ROBO2: variants seen among roughly 807,000 people sequenced by gnomAD.
ROBO2 encodes roundabout guidance receptor 2, also known as roundabout homolog 2.
ROBO2 carries 53 observed loss-of-function variants against 160.8 expected under a neutral mutation model. The observed-to-expected ratio is 0.33, with a 90% CI of 0.26 to 0.41. ROBO2 has a LOEUF of 0.41. ROBO2 is among the 10% of genes least tolerant of loss of function. ROBO2 has a pLI of 1.00. For missense variants in ROBO2, 1,577 were observed against 1,722.4 expected, an observed-to-expected ratio of 0.92 and a Z score of 1.49; for synonymous variants, 664 against 611.7, an observed-to-expected ratio of 1.09 and a Z score of -1.26.
At chr3:76,712,461 G>A (rs2093313131) in intron 2 of ROBO2, among the ~76,000 whole-genome samples, 1 of 152,050 alleles carries the variant, frequency 6.6e-6, no homozygotes, top group South Asian at 2.1e-4. Context: ...GATCACCTGA[G>A]GTCAGGAATT....
At chr3:76,707,731 G>GTGTATATATA (rs376823667) in intron 2 of ROBO2, among the ~76,000 whole-genome samples, 5 of 134,212 alleles carry the variant, frequency 3.7e-5, no homozygotes, top group South Asian at 2.5e-4. Context: ...ACATGTGTGT[G>GTGTATATATA]TATATATATA....
intron 21 of ROBO2, among the ~76,000 whole-genome samples, chr3:77,610,485 G>A (rs1415962546): frequency 2.6e-5 from 4 of 151,870 alleles, no homozygotes; most frequent in African/African-American, 9.7e-5. Flanking sequence ...TATATACCAG[G>A]GAAGCCAGGG....
intron 2 of ROBO2, among the ~76,000 whole-genome samples, chr3:76,062,078 T>G (rs1468399652): frequency 6.6e-6 from 1 of 152,158 alleles, no homozygotes; most frequent in East Asian, 1.9e-4. Flanking sequence ...GCCAACTGGC[T>G]AGCAACCTTA....
chr3:76,647,209 G>A (rs1434842474), intron 2 of ROBO2, among the ~76,000 whole-genome samples: 1 of 152,134 alleles, frequency 6.6e-6, no homozygotes, highest in Non-Finnish European at 1.5e-5. Flanking sequence ...TCTCTGAGGG[G>A]GGCTATGATG....
rs2075843042 is a variant in ROBO2, at chr3:77,402,038, A to T, written c.389-75376A>T. On this transcript the variant is annotated intron_variant, in intron 2 of 25. Coordinates refer to ENST00000461745, the Ensembl canonical transcript of ROBO2. ...AGACTTGCAACCAACCCAAATGCCC[A>T]TCAATGATAGACTGGATAAAGAAAA... 4.6e-5 allele frequency among the ~76,000 whole-genome samples: 7 copies of T among 152,192 alleles called. No individual in the cohort carries two copies. The South Asian group carries it at 1.4e-3, about 31-fold the overall frequency.
At chr3:77,291,845 C>G (rs1398759661) in intron 2 of ROBO2, among the ~76,000 whole-genome samples, 1 of 151,356 alleles carries the variant, frequency 6.6e-6, no homozygotes, top group Non-Finnish European at 1.5e-5. Context: ...AACGGGTAAG[C>G]TGAGGCTAGA....
chr3:77,192,095 G>T (rs555317954), intron 2 of ROBO2, among the ~76,000 whole-genome samples: 1 of 152,224 alleles, frequency 6.6e-6, no homozygotes, highest in East Asian at 1.9e-4. Flanking sequence ...AGCGAAGTTG[G>T]ATATGCAATT....
chr3:76,627,605 T>A (rs1460796351), intron 2 of ROBO2, among the ~76,000 whole-genome samples: 2 of 152,198 alleles, frequency 1.3e-5, no homozygotes, highest in African/African-American at 4.8e-5. Flanking sequence ...TGTGCATAAA[T>A]AATAAAATTT....
intron 2 of ROBO2, among the ~76,000 whole-genome samples, chr3:77,476,300 A>G (rs1345110066): frequency 6.6e-6 from 1 of 152,114 alleles, no homozygotes; most frequent in Non-Finnish European, 1.5e-5. Flanking sequence ...CATGATTTAC[A>G]TAACAGGCTA....
intron 2 of ROBO2, among the ~76,000 whole-genome samples, chr3:76,394,863 A>G (rs1013486554): frequency 6.6e-6 from 1 of 152,160 alleles, no homozygotes; most frequent in Non-Finnish European, 1.5e-5. Context: ...TTAGATTCCC[A>G]CACAATAATA....
At chr3:76,992,139 CCTTT>C (rs1184003404) in intron 2 of ROBO2, among the ~76,000 whole-genome samples, 1 of 151,524 alleles carries the variant, frequency 6.6e-6, no homozygotes, top group Non-Finnish European at 1.5e-5. Context: ...GAAAAAGAGT[CCTTT>C]CTAACAGAGT....
At chr3:76,295,857 G>A (rs914514875) in intron 2 of ROBO2, among the ~76,000 whole-genome samples, 2 of 152,180 alleles carry the variant, frequency 1.3e-5, no homozygotes, top group South Asian at 2.1e-4. Context: ...ACATTCTTTA[G>A]CTTAAAAACT....
At chr3:76,063,391 A>G (rs112205193) in intron 2 of ROBO2, among the ~76,000 whole-genome samples, 2,976 of 145,542 alleles carry the variant, frequency 0.02, 42 homozygotes, top group East Asian at 0.08. Context: ...TGCCCAGGCT[A>G]GAGTGCAGTG....
intron 2 of ROBO2, among the ~76,000 whole-genome samples, chr3:77,026,741 T>C (rs1367688096): frequency 1.3e-5 from 2 of 152,200 alleles, no homozygotes; most frequent in African/African-American, 2.4e-5. Context: ...GCAAAGTATC[T>C]TTATGAGACA....
chr3:76,721,332 T>C (rs2107717990), intron 2 of ROBO2, among the ~76,000 whole-genome samples: 1 of 152,348 alleles, frequency 6.6e-6, no homozygotes, highest in South Asian at 2.1e-4. Context: ...AATATGCTTT[T>C]CATCTGTTCC....
chr3:77,017,990 T>G (rs2149492227), intron 2 of ROBO2, among the ~76,000 whole-genome samples: 1 of 152,298 alleles, frequency 6.6e-6, no homozygotes, highest in African/African-American at 2.4e-5. Context: ...GGTAATAGAA[T>G]GTGGAAAGCC....
At chr3:77,381,086 C>A (rs901365853) in intron 2 of ROBO2, among the ~76,000 whole-genome samples, 35 of 152,102 alleles carry the variant, frequency 2.3e-4, no homozygotes, top group African/African-American at 8.4e-4. Flanking sequence ...GAGGCCTAGG[C>A]GGGGGGATCA....
intron 2 of ROBO2, among the ~76,000 whole-genome samples, chr3:77,409,570 A>G (rs2076533059): frequency 6.6e-6 from 1 of 152,066 alleles, no homozygotes; most frequent in Admixed American, 6.5e-5. Context: ...GAGAGAATAC[A>G]TGCGCCGGCT....
chr3:77,221,854 C>CT (rs5850317), intron 2 of ROBO2, among the ~76,000 whole-genome samples: 7,271 of 140,268 alleles, frequency 0.052, 282 homozygotes, highest in African/African-American at 0.084. Flanking sequence ...TTTTCTTTTT[C>CT]TTTTTTTTTT....
Sources: allele counts gnomAD v4.1 joint callset (sites outside exome capture counted in the v4.1 genomes callset), GRCh38; gene constraint gnomAD v4.1.1; transcripts MANE v1.5; gene names NCBI Gene and HGNC (gene_info 2026-07-23, HGNC 2026-07-21).